B9D1: variants seen among roughly 807,000 people sequenced by gnomAD.
B9D1 encodes B9 domain containing 1.
A neutral mutation model predicts 26.1 loss-of-function variants in B9D1; 20 were observed. That is an observed-to-expected ratio of 0.77 (90% CI 0.54 to 1.12). B9D1 has a LOEUF of 1.12. Ranked by LOEUF, B9D1 falls within the 50% of genes most tolerant of loss-of-function variation. B9D1 has a pLI of 0.00. For missense variants in B9D1, 260 were observed against 273.7 expected (o/e 0.95, Z 0.35); for synonymous variants, 105 against 103.1 (o/e 1.02, Z -0.11).
At chr17:19,352,228 C>G (rs1909702712) in intron 3 of B9D1, among the ~76,000 whole-genome samples, 1 of 152,164 alleles carries the variant, frequency 6.6e-6, no homozygotes, top group Non-Finnish European at 1.5e-5. Context: ...GTTTTAAAAA[C>G]CAACTTTTGC....
chr17:19,360,155 G>C (rs1910856308), intron 2 of B9D1, among the ~76,000 whole-genome samples, 165 bp downstream of exon 2: 1 of 152,194 alleles, frequency 6.6e-6, no homozygotes, highest in African/African-American at 2.4e-5. Context: ...TCCAACCATG[G>C]CTGTGTCCTC....
chr17:19,341,818 A>C (rs1055087639), downstream of B9D1, among the ~76,000 whole-genome samples: 3 of 152,188 alleles, frequency 2.0e-5, no homozygotes, highest in African/African-American at 7.2e-5. Flanking sequence ...CACTATGGGA[A>C]GTGCATGCAG....
chr17:19,364,655 C>T (rs1911484017), upstream of B9D1: 2 of 152,398 alleles, frequency 1.3e-5, no homozygotes, highest in Admixed American at 1.3e-4. The surrounding 1 kb of genome is among the most constrained non-coding windows in gnomAD (Gnocchi z 4.3). Context: ...CCGATCTGCA[C>T]CAGTCCAGCC....
chr17:19,343,213 T>A lies in B9D1; in HGVS notation c.*106A>T. On this transcript the variant is annotated 3_prime_UTR_variant, in exon 7 of 7. Coordinates refer to ENST00000261499, the MANE Select transcript of B9D1 (RefSeq NM_015681.6). ...GACTTTATTATACAAAACTATTCTGTGTGCCCCCAGCTCTGGCCACCAGGC... is the reference window on the plus strand; with the variant it reads ...GACTTTATTATACAAAACTATTCTGAGTGCCCCCAGCTCTGGCCACCAGGC... 3 of 1,572,790 alleles carry A rather than the reference T, an allele frequency of 1.9e-6. No homozygotes were observed. The highest frequency in any genetic ancestry group is 2.6e-6 in the Non-Finnish European group (3 of 1,164,498).
chr17:19,338,242 G>A (rs1288275247), downstream of B9D1, among the ~76,000 whole-genome samples: 2 of 152,262 alleles, frequency 1.3e-5, no homozygotes, highest in African/African-American at 4.8e-5. Flanking sequence ...CTTGCGGTGA[G>A]GAGGGAAAGG....
intron 1 of B9D1, among the ~76,000 whole-genome samples, chr17:19,367,741 G>A (rs1463680834): frequency 6.6e-6 from 1 of 152,190 alleles, no homozygotes; most frequent in African/African-American, 2.4e-5. Flanking sequence ...TGAACTTCAA[G>A]AGCCCGATAA....
downstream of B9D1, among the ~76,000 whole-genome samples, chr17:19,342,816 C>A (rs956665575): frequency 6.6e-6 from 1 of 152,144 alleles, no homozygotes; most frequent in Non-Finnish European, 1.5e-5. Context: ...CCTCACCATT[C>A]CAGCTCCCAA....
At position 19,368,852 on chromosome 17, in the gene B9D1, C is replaced by T. The variant is rs954156985; in HGVS notation, c.-297-8464G>A. On this transcript the variant is annotated intron_variant, in intron 1 of 5. Transcript: ENST00000477478. ...ACCCTGGCTACTTGGGAGGCTGAGGCGGGAGGAGCACTTGAGCCAGGGTTT... is the reference window on the plus strand; with the variant it reads ...ACCCTGGCTACTTGGGAGGCTGAGGTGGGAGGAGCACTTGAGCCAGGGTTT... Among the ~76,000 whole-genome samples, 7 of 152,002 alleles carry T rather than the reference C, an allele frequency of 4.6e-5. No homozygotes were observed. The East Asian group carries it at 7.7e-4, about 17-fold the overall frequency.
intron 1 of B9D1, among the ~76,000 whole-genome samples, chr17:19,368,356 C>T (rs373387588): frequency 3.3e-5 from 5 of 152,326 alleles, no homozygotes; most frequent in South Asian, 2.1e-4. Flanking sequence ...CTGAAGCTCA[C>T]GGGAGAAAGT....
upstream of B9D1, among the ~76,000 whole-genome samples, chr17:19,363,398 T>C (rs1911378336): frequency 6.6e-6 from 1 of 152,234 alleles, no homozygotes; most frequent in South Asian, 2.1e-4. Context: ...GTCTTGTATC[T>C]TAGTGGCCTG....
chr17:19,344,211 C>A (rs1191082749), intron 5 of B9D1, among the ~76,000 whole-genome samples: 1 of 152,110 alleles, frequency 6.6e-6, no homozygotes, highest in African/African-American at 2.4e-5. Context: ...CCAGAAATCC[C>A]AGAAAAGTGA....
downstream of B9D1, chr17:19,341,159 T>C: frequency 8.1e-7 from 1 of 1,230,868 alleles, no homozygotes; most frequent in Non-Finnish European, 1.0e-6. Context: ...ACTTAGTATT[T>C]CCCAGCTGCT....
chr17:19,343,781 G>C lies in B9D1; in HGVS notation c.472+9C>G. ...GGGGATGGGGGTAAGAGAGGGGAGG[G>C]AGCTTTACCTTCCCGGCCTTCACCC... On this transcript the variant is annotated intron_variant, in intron 6 of 6. Transcript: ENST00000261499. The C allele has an allele frequency of 6.2e-7, 1 of 1,613,168 alleles. No homozygotes were observed. Among genetic ancestry groups the C allele is most frequent in the Non-Finnish European group, 8.5e-7 (1 of 1,179,228 alleles).
chr17:19,371,076 T>G (rs1052046976), intron 1 of B9D1, among the ~76,000 whole-genome samples: 3 of 152,212 alleles, frequency 2.0e-5, no homozygotes, highest in Admixed American at 1.3e-4. Context: ...TCCCCTGCGA[T>G]TTTCCTGATA....
chr17:19,349,156 G>A (rs1436556952), intron 3 of B9D1, among the ~76,000 whole-genome samples: 3 of 152,160 alleles, frequency 2.0e-5, no homozygotes, highest in South Asian at 4.1e-4. Context: ...TGTACCTCAC[G>A]AAAACATGGC....
At chr17:19,358,653 C>T (rs972573694) in intron 2 of B9D1, among the ~76,000 whole-genome samples, 1 of 152,222 alleles carries the variant, frequency 6.6e-6, no homozygotes, top group African/African-American at 2.4e-5. Context: ...CTCCACTGCA[C>T]AGGGTGGCCC....
chr17:19,343,346 G>C lies in B9D1; in HGVS notation c.588C>G (p.Pro196=). The change falls in exon 7 of 7, where the codon CCC becomes CCG. Residue 196 remains proline, a synonymous_variant. Transcript: ENST00000261499. ...ACTGGGGGAAGCTCTGGGGTGGGCT[G>C]GGCCCCAACACACCCTGTGTATCAG... ...GPSDTQGVLG[P]SPPQSFPQ 1 of 1,614,162 alleles carries C rather than the reference G, an allele frequency of 6.2e-7. No homozygotes were observed. The highest frequency in any genetic ancestry group is 1.1e-5 in the South Asian group (1 of 91,088).
At chr17:19,340,358 GA>G (rs1160820492), downstream of B9D1, among the ~76,000 whole-genome samples, 2 of 151,672 alleles carry the variant, frequency 1.3e-5, no homozygotes, top group Non-Finnish European at 2.9e-5. Context: ...TTTTAGTAGA[GA>G]CGGGGTTTCA....
intron 3 of B9D1, among the ~76,000 whole-genome samples, chr17:19,354,100 A>C (rs1348106615): frequency 6.6e-6 from 1 of 152,192 alleles, no homozygotes; most frequent in Non-Finnish European, 1.5e-5. Flanking sequence ...CTTCTTTGAC[A>C]TATGGGTTGT....
Sources: allele counts gnomAD v4.1 joint callset (sites outside exome capture counted in the v4.1 genomes callset), GRCh38; gene constraint gnomAD v4.1.1; non-coding constraint Gnocchi (gnomAD v3.1); transcripts MANE v1.5; gene names NCBI Gene and HGNC (gene_info 2026-07-23, HGNC 2026-07-21).